The following ALDH1L2 variants were observed in gnomAD, a reference collection of about 807,000 sequenced individuals.
ALDH1L2 encodes mitochondrial 10-formyltetrahydrofolate dehydrogenase.
Under a neutral mutation model 111.0 loss-of-function variants are expected in ALDH1L2, and 91 were observed. The ratio of observed to expected loss-of-function variants is 0.82; its 90% CI spans 0.69 to 0.98. The LOEUF is 0.98. ALDH1L2 is among the 50% of genes least tolerant of loss of function. The probability of loss-of-function intolerance (pLI) is 0.00; values close to 1 mark genes in which losing one functional copy is unlikely to be tolerated. For synonymous variants in ALDH1L2, 374 were observed against 392.6 expected, an observed-to-expected ratio of 0.95 and a Z score of 0.56; for missense variants, 995 against 1,126.8, an observed-to-expected ratio of 0.88 and a Z score of 1.67.
chr12:105,049,042 A>AT, intron 13 of ALDH1L2, among the ~76,000 whole-genome samples: 1 of 131,226 alleles, frequency 7.6e-6, no homozygotes, highest in Non-Finnish European at 1.7e-5. Context: ...AAGAAAGAAA[A>AT]AAAAATTTTT....
At chr12:105,059,959 C>T (rs1441898600) in intron 9 of ALDH1L2, among the ~76,000 whole-genome samples, 1 of 152,190 alleles carries the variant, frequency 6.6e-6, no homozygotes, top group African/African-American at 2.4e-5. Context: ...GTCTTGTTAT[C>T]CCAGTTACTC....
At chr12:105,072,040 C>T (rs548222703) in intron 2 of ALDH1L2, among the ~76,000 whole-genome samples, 2 of 151,214 alleles carry the variant, frequency 1.3e-5, no homozygotes, top group Non-Finnish European at 2.9e-5. Context: ...AAGCTATTAT[C>T]GTGCCACTAC....
chr12:105,035,009 A>G (rs1874908517), intron 18 of ALDH1L2, among the ~76,000 whole-genome samples: 1 of 151,974 alleles, frequency 6.6e-6, no homozygotes, highest in African/African-American at 2.4e-5. Flanking sequence ...AATAAAAGAA[A>G]ATCTAGATTA....
At chr12:105,081,654 AG>A (rs1878341464) in intron 1 of ALDH1L2, among the ~76,000 whole-genome samples, 2 of 152,242 alleles carry the variant, frequency 1.3e-5, no homozygotes, top group African/African-American at 4.8e-5. Flanking sequence ...TAATTGACAA[AG>A]GGTTTTAAAG....
chr12:105,052,368 A>C, intron 11 of ALDH1L2, 151 bp from the exon 12 acceptor site: 1 of 792,376 alleles, frequency 1.3e-6, no homozygotes, highest in Non-Finnish European at 1.8e-6. Flanking sequence ...CAGTAAAGAA[A>C]AAGAACAATT....
At chr12:105,074,458 C>CAAAAAAAAA (rs59114614) in intron 1 of ALDH1L2, among the ~76,000 whole-genome samples, 1 of 38,892 alleles carries the variant, frequency 2.6e-5, no homozygotes, top group Admixed American at 2.8e-4. Flanking sequence ...ACTCTGTCTC[C>CAAAAAAAAA]AAAAAAAAAA....
chr12:105,066,702 C>T (rs779504939), intron 4 of ALDH1L2, 33 bp from the exon 5 acceptor site: 3 of 1,548,036 alleles, frequency 1.9e-6, no homozygotes, highest in Non-Finnish European at 1.8e-6. Context: ...TGTTACAGCC[C>T]AATGATCAAC....
At chr12:105,065,894 A>G (rs1278577444) in intron 5 of ALDH1L2, among the ~76,000 whole-genome samples, 1 of 152,184 alleles carries the variant, frequency 6.6e-6, no homozygotes, top group Non-Finnish European at 1.5e-5. Flanking sequence ...GGGAGGTTGT[A>G]TAGTGGCCAA....
chr12:105,042,773 A>T (rs1875618319), intron 15 of ALDH1L2, among the ~76,000 whole-genome samples: 1 of 152,176 alleles, frequency 6.6e-6, no homozygotes, highest in South Asian at 2.1e-4. Flanking sequence ...CAAATCAGCA[A>T]ATACATATTT....
intron 1 of ALDH1L2, among the ~76,000 whole-genome samples, chr12:105,077,816 T>C (rs1878142339): frequency 6.6e-6 from 1 of 151,006 alleles, no homozygotes. Context: ...TCTGCCCTGA[T>C]CTGAAGCCCT....
intron 5 of ALDH1L2, 97 bp downstream of exon 5, chr12:105,066,471 T>C: frequency 8.7e-7 from 1 of 1,146,404 alleles, no homozygotes; most frequent in East Asian, 2.5e-5. Context: ...TAGGGCAAGC[T>C]GGCTTACCTT....
intron 10 of ALDH1L2, among the ~76,000 whole-genome samples, chr12:105,057,845 T>C (rs1049896771): frequency 3.3e-5 from 5 of 152,112 alleles, no homozygotes; most frequent in African/African-American, 1.2e-4. Context: ...ATGATGAAAA[T>C]GTTCCAAAAT....
intron 18 of ALDH1L2, among the ~76,000 whole-genome samples, chr12:105,036,822 A>C (rs1389055520): frequency 6.6e-6 from 1 of 151,924 alleles, no homozygotes; most frequent in Non-Finnish European, 1.5e-5. Flanking sequence ...CAGACTCTTT[A>C]AGGTTATATA....
chr12:105,052,355 C>A, intron 11 of ALDH1L2, 138 bp from the exon 12 acceptor site: 4 of 867,830 alleles, frequency 4.6e-6, no homozygotes, highest in South Asian at 2.8e-5. Flanking sequence ...ATATCTAGTA[C>A]TACAGTAAAG....
chr12:105,061,534 C>T (rs78680397), intron 8 of ALDH1L2, 93 bp downstream of exon 8: 28,863 of 1,522,556 alleles, frequency 0.019, 335 homozygotes, highest in Middle Eastern at 0.024. Context: ...AAATAAAGTT[C>T]TGATCCCACT....
At chr12:105,041,447 C>G (rs1316086447) in intron 15 of ALDH1L2, among the ~76,000 whole-genome samples, 2 of 152,190 alleles carry the variant, frequency 1.3e-5, no homozygotes, top group Non-Finnish European at 2.9e-5. Flanking sequence ...TAGAATAGTT[C>G]CAATACTGGA....
rs549157937 is a variant in ALDH1L2, at chr12:105,081,165, C to T, written c.48+3224G>A. 7.9e-5 allele frequency among the ~76,000 whole-genome samples: 12 copies of T among 152,276 alleles called. No individual in the cohort carries two copies. In the East Asian group the frequency reaches 1.3e-3, roughly 17 times the overall value. ...GAACATCTTCAGATTTTGATATCCACGGGAGGTCCTGAAACCAATCCCCTA... is the reference window on the plus strand; with the variant it reads ...GAACATCTTCAGATTTTGATATCCATGGGAGGTCCTGAAACCAATCCCCTA... On this transcript the variant is annotated intron_variant, in intron 1 of 22. Coordinates refer to ENST00000258494, the MANE Select transcript of ALDH1L2 (RefSeq NM_001034173.4).
intron 10 of ALDH1L2, among the ~76,000 whole-genome samples, chr12:105,054,466 G>A (rs1453097369): frequency 6.6e-6 from 1 of 152,184 alleles, no homozygotes; most frequent in African/African-American, 2.4e-5. Context: ...TGAGCTTTAT[G>A]GTGTATTAAC....
At chr12:105,039,856 C>T (rs776816125) in intron 16 of ALDH1L2, 50 bp from the exon 17 acceptor site, 24 of 1,560,772 alleles carry the variant, frequency 1.5e-5, no homozygotes, top group Middle Eastern at 3.4e-4. Context: ...CAAGGCCGGG[C>T]GCGGTGGCTT....
Sources: allele counts gnomAD v4.1 joint callset (sites outside exome capture counted in the v4.1 genomes callset), GRCh38; gene constraint gnomAD v4.1.1; transcripts MANE v1.5; gene names NCBI Gene and HGNC (gene_info 2026-07-23, HGNC 2026-07-21).